INSL6: variants seen among roughly 807,000 people sequenced by gnomAD.
The protein encoded by INSL6 is insulin like 6.
In INSL6, 16 loss-of-function variants were observed where a neutral mutation model predicts 9.4. That is an observed-to-expected ratio of 1.70 (90% CI 1.15 to 2.59). The LOEUF is 2.59. Ranked by LOEUF, INSL6 falls within the 30% of genes most tolerant of loss-of-function variation. The probability of loss-of-function intolerance (pLI) is 0.00; values close to 1 mark genes in which losing one functional copy is unlikely to be tolerated. For synonymous variants in INSL6, 154 were observed against 96.9 expected, an observed-to-expected ratio of 1.59 and a Z score of -3.46; for missense variants, 391 against 257.3, an observed-to-expected ratio of 1.52 and a Z score of -3.56.
At chr9:5,060,145 C>T in the INSL6 span, among the ~76,000 whole-genome samples, 1 of 152,192 alleles carries the variant, frequency 6.6e-6, no homozygotes, top group African/African-American at 2.4e-5. Context: ...ATTTAAAACA[C>T]TTTATTGCTA....
chr9:5,102,201 C>T, the INSL6 span, among the ~76,000 whole-genome samples: 1 of 152,084 alleles, frequency 6.6e-6, no homozygotes. Context: ...CTTAAATGAC[C>T]TGATGGAGCT....
chr9:5,137,545 G>T (rs544213900), intron 2 of INSL6, among the ~76,000 whole-genome samples: 2 of 152,190 alleles, frequency 1.3e-5, no homozygotes, highest in Admixed American at 6.5e-5. Flanking sequence ...TATGCAGAAA[G>T]CTGAAACTGG....
intron 1 of INSL6, among the ~76,000 whole-genome samples, chr9:5,170,842 TAATA>T (rs1458232041): frequency 6.6e-6 from 1 of 152,180 alleles, no homozygotes; most frequent in African/African-American, 2.4e-5. Flanking sequence ...ATTGAGGCAG[TAATA>T]AATAGTCTAC....
At chr9:5,136,872 C>G (rs1344477491) in intron 2 of INSL6, among the ~76,000 whole-genome samples, 1 of 152,158 alleles carries the variant, frequency 6.6e-6, no homozygotes, top group African/African-American at 2.4e-5. Context: ...TTGGAAAACC[C>G]CATCGTCTCA....
At chr9:5,183,018 G>A (rs1261443805) in intron 1 of INSL6, among the ~76,000 whole-genome samples, 1 of 152,070 alleles carries the variant, frequency 6.6e-6, no homozygotes, top group Non-Finnish European at 1.5e-5. Context: ...TAAAATTTCA[G>A]ACAACTGACT....
At chr9:5,167,070 G>A (rs1564051087) in intron 1 of INSL6, among the ~76,000 whole-genome samples, 1 of 152,148 alleles carries the variant, frequency 6.6e-6, no homozygotes. Flanking sequence ...TCTCTCATTG[G>A]GACTGACTAG....
At chr9:5,167,628 G>A (rs1825084660) in intron 1 of INSL6, among the ~76,000 whole-genome samples, 1 of 152,218 alleles carries the variant, frequency 6.6e-6, no homozygotes. Context: ...CTGAGAAGAG[G>A]CTCTAGGAGG....
At chr9:5,127,946 A>C (rs1199117283) in intron 3 of INSL6, 2 of 232,316 alleles carry the variant, frequency 8.6e-6, no homozygotes, top group African/African-American at 4.4e-5. Flanking sequence ...GAAAATTCAT[A>C]ACGTGTATCT....
chr9:5,029,352 A>G, the INSL6 span, among the ~76,000 whole-genome samples: 1 of 152,224 alleles, frequency 6.6e-6, no homozygotes, highest in Admixed American at 6.5e-5. Flanking sequence ...AATGATTACA[A>G]TTGTAATGTC....
the INSL6 span, among the ~76,000 whole-genome samples, chr9:5,001,579 C>T: frequency 3.4e-4 from 51 of 150,026 alleles, no homozygotes; most frequent in Non-Finnish European, 3.0e-5. Context: ...GCTCCTGGTT[C>T]TATGTTCTAT....
chr9:5,090,581 T>C, the INSL6 span: 17 of 1,558,766 alleles, frequency 1.1e-5, no homozygotes, highest in African/African-American at 1.4e-5. Flanking sequence ...GTAACTAATA[T>C]CCTGATTATT....
chr9:5,136,594 T>A (rs371039916), intron 2 of INSL6, among the ~76,000 whole-genome samples: 1 of 152,274 alleles, frequency 6.6e-6, no homozygotes, highest in South Asian at 2.1e-4. Flanking sequence ...AAAGTCTCAA[T>A]AAACTAGGTA....
At chr9:5,090,673 G>A in the INSL6 span, 10 of 1,531,510 alleles carry the variant, frequency 6.5e-6, no homozygotes, top group East Asian at 1.8e-4. Context: ...GGAATATATA[G>A]GGTTAAGACC....
At chr9:4,995,648 A>G in the INSL6 span, among the ~76,000 whole-genome samples, 1 of 152,262 alleles carries the variant, frequency 6.6e-6, no homozygotes, top group African/African-American at 2.4e-5. Context: ...GAACATTTCT[A>G]TTTATTTGTT....
At chr9:5,079,071 G>A in the INSL6 span, among the ~76,000 whole-genome samples, 3 of 152,116 alleles carry the variant, frequency 2.0e-5, no homozygotes, top group Non-Finnish European at 4.4e-5. Context: ...GTGCACTGAT[G>A]TGTCCTATTT....
the INSL6 span, chr9:5,050,827 A>G: frequency 1.9e-6 from 3 of 1,612,758 alleles, no homozygotes; most frequent in Middle Eastern, 1.7e-4. Context: ...CTATAACTCT[A>G]TCAGGTAATT....
intron 3 of INSL6, among the ~76,000 whole-genome samples, chr9:5,125,390 T>C (rs1438281933): frequency 6.6e-6 from 1 of 151,406 alleles, no homozygotes; most frequent in African/African-American, 2.4e-5. Flanking sequence ...AATTGCTGAG[T>C]AGCATTCCAT....
chr9:5,055,912 T>G, the INSL6 span: 2 of 800,156 alleles, frequency 2.5e-6, no homozygotes, highest in South Asian at 3.8e-5. Context: ...AATATAACTC[T>G]AAACATCAGT....
chr9:5,072,585 C>A, the INSL6 span: 5 of 1,609,914 alleles, frequency 3.1e-6, no homozygotes, highest in African/African-American at 1.3e-5. Context: ...AACAGAAGTT[C>A]TTTTAAAAGT....
Sources: allele counts gnomAD v4.1 joint callset (sites outside exome capture counted in the v4.1 genomes callset), GRCh38; gene constraint gnomAD v4.1.1; transcripts MANE v1.5; gene names NCBI Gene and HGNC (gene_info 2026-07-23, HGNC 2026-07-21).